The following MYO7B variants were observed in gnomAD, a reference collection of about 807,000 sequenced individuals.
MYO7B encodes myosin VIIB, also known as unconventional myosin-VIIb.
In MYO7B, 212 loss-of-function variants were observed where a neutral mutation model predicts 259.7. The observed-to-expected ratio is 0.82, with a 90% CI of 0.73 to 0.91. The LOEUF (loss-of-function observed/expected upper bound fraction) is 0.91, where lower values mean the gene tolerates loss of function less well. Among genes scored for constraint, MYO7B ranks in the 40% least tolerant of loss-of-function variants. The probability of loss-of-function intolerance (pLI) is 0.00; values close to 1 mark genes in which losing one functional copy is unlikely to be tolerated. For missense variants in MYO7B, 2,732 were observed against 2,813.5 expected (o/e 0.97, Z 0.66); for synonymous variants, 1,197 against 1,166.4 (o/e 1.03, Z -0.54).
rs749928663 is a variant in MYO7B, at chr2:127,574,054, T to G, written c.727T>G (p.Cys243Gly). ...EQFLLEKSRV[C>G]RQAPEERNYH... is the part of the protein sequence containing the mutation. ...ATTTCTCCTGGAGAAGTCCCGGGTC[T>G]GCCGGCAGGTGAGGCCTCCCCCTTC... Residue 243 changes from cysteine to glycine, a missense_variant, in exon 7 of 48, where the codon TGC (cysteine) becomes GGC (glycine). Cys to Gly is a radical substitution (Grantham distance 159). Around this residue, in one of 3 missense-constraint regions of MYO7B, gnomAD observed 1,906 missense variants for 2,026.4 expected, o/e 0.94. Transcript: ENST00000409816. The G allele has an allele frequency of 6.2e-7, 1 of 1,613,980 alleles. No individual in the cohort carries two copies. The highest frequency in any genetic ancestry group is 1.1e-5 in the South Asian group (1 of 91,086).
intron 1 of MYO7B, among the ~76,000 whole-genome samples, chr2:127,558,309 C>A (rs1677912397): frequency 6.6e-6 from 1 of 152,174 alleles, no homozygotes; most frequent in Non-Finnish European, 1.5e-5. Flanking sequence ...CCACCTTACT[C>A]CTACAAGAAT....
Position 127,576,669 on chromosome 2 carries a change from G to A in MYO7B, c.810G>A (p.Leu270=), listed in dbSNP as rs752599906. 8.1e-6 allele frequency: 13 copies of A among 1,611,936 alleles called. No homozygotes were observed. Among genetic ancestry groups the A allele is most frequent in the Non-Finnish European group, 1.1e-5 (13 of 1,178,650 alleles). The change falls in exon 8 of 48, where the codon CTG becomes CTA. Residue 270 remains leucine, a synonymous_variant. Coordinates refer to ENST00000409816, the MANE Select transcript of MYO7B (RefSeq NM_001393586.1). The surrounding 1 kb of genome is among the most constrained non-coding windows in gnomAD (Gnocchi z 4.9). ...MGVSAEDKQL[L]SLGTPSEYHY... ...TGAGTGCTGAGGACAAGCAGCTGCT[G>A]AGCCTGGGCACGCCCTCCGAGTACC... is the stretch of plus-strand genomic sequence containing the variant.
intron 5 of MYO7B, 112 bp downstream of exon 5, chr2:127,566,939 C>A: frequency 2.6e-6 from 3 of 1,153,230 alleles, no homozygotes; most frequent in Non-Finnish European, 3.6e-6. Flanking sequence ...TGGCACACAC[C>A]CATCTCCACA....
rs144298443 is a variant in MYO7B, at chr2:127,607,592, C to T, written c.2643+168C>T. 2.8e-3 allele frequency among the ~76,000 whole-genome samples: 422 copies of T among 151,950 alleles called. 3 individuals carry two copies. Among genetic ancestry groups the T allele is most frequent in the African/African-American group, 9.6e-3 (399 of 41,408 alleles). On this transcript the variant is annotated intron_variant, in intron 21 of 47. Transcript: ENST00000409816. The surrounding 1 kb of genome is among the most constrained non-coding windows in gnomAD (Gnocchi z 4.4). ...TAAAATCTGTTCAATTACTCAAGAG[C>T]ACAGCAAGGATACAGGACACAAGAT...
At chr2:127,543,229 C>T (rs1245313993) in intron 1 of MYO7B, among the ~76,000 whole-genome samples, 1 of 152,150 alleles carries the variant, frequency 6.6e-6, no homozygotes, top group Non-Finnish European at 1.5e-5. Context: ...CTTTCCTAGG[C>T]AGAGGTCTCT....
chr2:127,619,347 G>A (rs1558840269), intron 26 of MYO7B, among the ~76,000 whole-genome samples: 6 of 140,786 alleles, frequency 4.3e-5, no homozygotes, highest in African/African-American at 1.1e-4. Flanking sequence ...GGTGGGGGCC[G>A]GCTGGGTGGT....
chr2:127,627,035 G>T lies in MYO7B; in HGVS notation c.4276G>T (p.Ala1426Ser), dbSNP rs376727312. 1.9e-6 allele frequency: 3 copies of T among 1,610,138 alleles called. No homozygotes were observed. The highest frequency in any genetic ancestry group is 2.7e-5 in the African/African-American group (2 of 75,002). Residue 1426 changes from alanine (A) to serine (S), a missense_variant, in exon 32 of 48, where the codon GCC becomes TCC. Coordinates refer to ENST00000409816, the MANE Select transcript of MYO7B (RefSeq NM_001393586.1). The surrounding 1 kb of genome is among the most constrained non-coding windows in gnomAD (Gnocchi z 5.6). ...LAVREQVVDA[A>S]RLQWPLLFSR... is the part of the protein sequence containing the mutation. Reference sequence around the variant, plus strand: ...CGTGCGAGAGCAGGTGGTGGACGCCGCCCGCCTGCAGTGGCCGCTGCTCTT... The same window carrying T: ...CGTGCGAGAGCAGGTGGTGGACGCCTCCCGCCTGCAGTGGCCGCTGCTCTT...
At chr2:127,617,855 G>GTTT (rs34544960) in intron 26 of MYO7B, among the ~76,000 whole-genome samples, 42,730 of 139,702 alleles carry the variant, frequency 0.31, 9,315 homozygotes, top group African/African-American at 0.62. Flanking sequence ...CTGGGCTTTA[G>GTTT]TTTTTTTTTT....
In MYO7B at chr2:127,557,423, T is replaced by C. The variant is rs535372585; in HGVS notation, c.-23-2277T>C. 3.0e-3 allele frequency among the ~76,000 whole-genome samples: 450 copies of C among 152,274 alleles called. 3 individuals are homozygous for C. The highest frequency in any genetic ancestry group is 5.6e-3 in the Non-Finnish European group (378 of 68,014). ...AGTAAGTCAGGGATTTCTTCTTGGT[T>C]TGGACCCATTGCTGGTGAGCTAGTG... is the stretch of plus-strand genomic sequence containing the variant. On this transcript the variant is annotated intron_variant, in intron 1 of 47. Transcript: ENST00000409816.
At chr2:127,618,494 T>G (rs1449000271) in intron 26 of MYO7B, among the ~76,000 whole-genome samples, 1 of 152,240 alleles carries the variant, frequency 6.6e-6, no homozygotes, top group African/African-American at 2.4e-5. Flanking sequence ...GCCCTGTAGA[T>G]AATCACAAGA....
rs2105026270 is a variant in MYO7B at position 127,607,718 on chromosome 2, TG to T, written c.2643+298del. Reference sequence around the variant, plus strand: ...AGTTCTACAATGGCTCTGCAATGGCTGGGGAGCCGTGGCCACCACCCAGGAG... The same window carrying T: ...AGTTCTACAATGGCTCTGCAATGGCTGGGAGCCGTGGCCACCACCCAGGAG... On this transcript the variant is annotated intron_variant, in intron 21 of 47. Transcript: ENST00000409816. The surrounding 1 kb of genome is among the most constrained non-coding windows in gnomAD (Gnocchi z 4.4). Among the ~76,000 whole-genome samples, 1 of 152,334 alleles carries T rather than the reference TG, an allele frequency of 6.6e-6. No homozygotes were observed. The highest frequency in any genetic ancestry group is 1.5e-5 in the Non-Finnish European group (1 of 68,030).
At chr2:127,551,612 A>G (rs1335524361) in intron 1 of MYO7B, among the ~76,000 whole-genome samples, 1 of 152,260 alleles carries the variant, frequency 6.6e-6, no homozygotes, top group Non-Finnish European at 1.5e-5. Context: ...ATTTGGGGAC[A>G]TACATTAAAC....
At chr2:127,620,589 GC>G in intron 27 of MYO7B, 123 bp downstream of exon 27, 1 of 1,194,616 alleles carries the variant, frequency 8.4e-7, no homozygotes, top group Non-Finnish European at 1.1e-6. Context: ...GCTCCTGCAG[GC>G]CAGATGGGCA....
At position 127,636,731 on chromosome 2, in the gene MYO7B, C is replaced by G; in HGVS notation, c.6208-63C>G. The stretch of plus-strand genomic sequence containing the variant: ...CGGTGTGTCCTGCCTCTCTCCTGTC[C>G]CCTAACACACACAGAGCCCGTGCTC... On this transcript the variant is annotated intron_variant, in intron 46 of 47. Coordinates refer to ENST00000409816, the MANE Select transcript of MYO7B (RefSeq NM_001393586.1). The surrounding 1 kb of genome is among the most constrained non-coding windows in gnomAD (Gnocchi z 4.5). 1 of 1,611,724 alleles carries G rather than the reference C, an allele frequency of 6.2e-7. No homozygotes were observed. Among genetic ancestry groups the G allele is most frequent in the South Asian group, 1.1e-5 (1 of 90,864 alleles).
At position 127,622,048 on chromosome 2, in the gene MYO7B, C is replaced by T. The variant is rs1194017932; in HGVS notation, c.3592C>T (p.Arg1198Cys). ...YGPFCAERLR[R>C]TYANGVRAEP... The stretch of plus-strand genomic sequence containing the variant: ...CCCCTTCTGTGCCGAGCGCCTGAGA[C>T]GCACCTATGCCAATGGGGTGCGTGC... The change falls in exon 28 of 48, where the codon CGC (arginine) becomes TGC (cysteine). Residue 1198 changes from arginine to cysteine, a missense_variant. Arg to Cys is a radical substitution (Grantham distance 180). This residue lies in a region of MYO7B where 1,906 missense variants were observed against 2,026.4 expected (regional missense o/e 0.94). Transcript: ENST00000409816. 56 of 1,551,608 alleles carry T rather than the reference C, an allele frequency of 3.6e-5. No homozygotes were observed. The highest frequency in any genetic ancestry group is 5.9e-5 in the South Asian group (5 of 84,076).
At chr2:127,582,467 A>T (rs1558814943) in intron 12 of MYO7B, 21 bp downstream of exon 12, 1 of 1,610,252 alleles carries the variant, frequency 6.2e-7, no homozygotes, top group Non-Finnish European at 8.5e-7. Context: ...CTCAGATCCC[A>T]GCCCCACTGC....
At position 127,585,218 on chromosome 2, in the gene MYO7B, A is replaced by AC. The variant is rs1453475096; in HGVS notation, c.1690+309dup. On this transcript the variant is annotated intron_variant, in intron 14 of 47. Coordinates refer to ENST00000409816, the MANE Select transcript of MYO7B (RefSeq NM_001393586.1). The surrounding 1 kb of genome is among the most constrained non-coding windows in gnomAD (Gnocchi z 4.3). ...GCCACAATTTTAGAACTTTTTCGCC[A>AC]CCCCTAAAAGAAACCCCTCATGAGC... is the stretch of plus-strand genomic sequence containing the variant. Among the ~76,000 whole-genome samples, 2 of 152,098 alleles carry AC rather than the reference A, an allele frequency of 1.3e-5. No homozygotes were observed. Among genetic ancestry groups the AC allele is most frequent in the Non-Finnish European group, 2.9e-5 (2 of 68,014 alleles).
At position 127,586,378 on chromosome 2, in the gene MYO7B, C is replaced by G. The variant is rs1158916794; in HGVS notation, c.1690+1465C>G. Among the ~76,000 whole-genome samples, 1 of 152,166 alleles carries G rather than the reference C, an allele frequency of 6.6e-6. No individual in the cohort carries two copies. The highest frequency in any genetic ancestry group is 2.1e-4 in the South Asian group (1 of 4,826). On this transcript the variant is annotated intron_variant, in intron 14 of 47. Transcript: ENST00000409816. The surrounding 1 kb of genome is among the most constrained non-coding windows in gnomAD (Gnocchi z 4.8). Reference sequence around the variant, plus strand: ...GCGGCCAGAGGGTCACTCTCTGCCCCTCATGTGGAGGAATGAGGAGGTGTT... The same window carrying G: ...GCGGCCAGAGGGTCACTCTCTGCCCGTCATGTGGAGGAATGAGGAGGTGTT...
At chr2:127,581,672 C>T (rs1679104922) in intron 10 of MYO7B, among the ~76,000 whole-genome samples, 1 of 152,182 alleles carries the variant, frequency 6.6e-6, no homozygotes, top group Admixed American at 6.5e-5. Context: ...CAGCCCCTTT[C>T]TCAGCCCCCA....
Sources: gnomAD v4.1 joint callset for allele counts (sites outside exome capture counted in the v4.1 genomes callset) on GRCh38, gnomAD v4.1.1 for gene constraint, gnomAD v4.1.1 regional missense constraint, Gnocchi (gnomAD v3.1) non-coding constraint, MANE v1.5 for transcripts, NCBI Gene and HGNC (gene_info 2026-07-23, HGNC 2026-07-21) for gene names.